ZSCAN5C: variants seen among roughly 807,000 people sequenced by gnomAD.
ZSCAN5C encodes zinc finger and SCAN domain-containing protein 5C.
In ZSCAN5C, 11 loss-of-function variants were observed where a neutral mutation model predicts 17.3. The ratio of observed to expected loss-of-function variants is 0.64; its 90% CI spans 0.40 to 1.06. The LOEUF (loss-of-function observed/expected upper bound fraction) is 1.06. Ranked by LOEUF, ZSCAN5C falls within the 50% of genes least tolerant of loss-of-function variation. ZSCAN5C has a pLI of 0.00. For missense variants in ZSCAN5C, 698 were observed against 538.9 expected (o/e 1.30, Z -2.92); for synonymous variants, 229 against 208.4 (o/e 1.10, Z -0.85).
intron 1 of ZSCAN5C, among the ~76,000 whole-genome samples, chr19:56,204,050 G>C (rs1004640134): frequency 6.6e-6 from 1 of 151,862 alleles, no homozygotes; most frequent in African/African-American, 2.4e-5. Context: ...GGGTGTACCT[G>C]TGCAGATGTG....
chr19:56,202,941 C>T (rs2032886508), intron 1 of ZSCAN5C, among the ~76,000 whole-genome samples: 1 of 152,012 alleles, frequency 6.6e-6, no homozygotes, highest in Admixed American at 6.5e-5. Flanking sequence ...ACCTACTAGG[C>T]CAATGAGAAT....
intron 1 of ZSCAN5C, among the ~76,000 whole-genome samples, chr19:56,203,934 CCA>C (rs1427010043): frequency 6.6e-6 from 1 of 151,838 alleles, no homozygotes; most frequent in Non-Finnish European, 1.5e-5. Flanking sequence ...CAGGCGTGAG[CCA>C]CCACACTCAG....
chr19:56,207,479 TG>T (rs1555788453), intron 3 of ZSCAN5C, among the ~76,000 whole-genome samples: 3 of 150,630 alleles, frequency 2.0e-5, no homozygotes, highest in East Asian at 3.9e-4. Flanking sequence ...GCATGTAGGG[TG>T]GGGGGTAAGA....
chr19:56,207,581 T>A (rs1050294325), intron 3 of ZSCAN5C, among the ~76,000 whole-genome samples: 5 of 151,842 alleles, frequency 3.3e-5, no homozygotes, highest in Non-Finnish European at 7.4e-5. Context: ...ACATTTAATG[T>A]AATAATTCAG....
intron 3 of ZSCAN5C, among the ~76,000 whole-genome samples, 194 bp downstream of exon 3, chr19:56,207,456 A>G (rs2032935986): frequency 6.8e-6 from 1 of 146,740 alleles, no homozygotes; most frequent in Admixed American, 6.7e-5. Flanking sequence ...TCTCTCCACC[A>G]TGAGAGCTTT....
intron 3 of ZSCAN5C, among the ~76,000 whole-genome samples, 157 bp from the exon 4 acceptor site, chr19:56,207,877 C>G (rs938593618): frequency 6.6e-6 from 1 of 151,842 alleles, no homozygotes; most frequent in Admixed American, 6.6e-5. Flanking sequence ...CAAGGAGATG[C>G]TGGCACAGCG....
chr19:56,208,808 T>A, exon 5 of ZSCAN5C: 1 of 1,570,084 alleles, frequency 6.4e-7, no homozygotes, highest in Non-Finnish European at 8.8e-7. Flanking sequence ...GAGGTTTAAG[T>A]ATCGCGGCAA....
intron 1 of ZSCAN5C, among the ~76,000 whole-genome samples, chr19:56,204,127 GAT>G (rs2032897778): frequency 6.6e-6 from 1 of 151,834 alleles, no homozygotes; most frequent in Admixed American, 6.6e-5. Flanking sequence ...AGGATGTGAG[GAT>G]AGCAACCAAT....
Position 56,208,868 on chromosome 19 carries a change from A to C in ZSCAN5C, c.1159A>C (p.Asn387His), listed in dbSNP as rs1337190655. The change falls in exon 5 of 5, where the codon AAT (asparagine) becomes CAT (histidine). Residue 387 changes from asparagine to histidine, a missense_variant. By Grantham distance (68) the Asn-to-His change is moderately conservative. This residue lies in a region of ZSCAN5C where 554 missense variants were observed against 390.5 expected (regional missense o/e 1.42). Coordinates refer to ENST00000534327, the Ensembl canonical transcript of ZSCAN5C. ...CACAGGCGAGAGACTCTTTCAGTGT[A>C]ATCTCTGCGGGAAGCGCTTCATGCA... 5 of 1,582,306 alleles carry C rather than the reference A, an allele frequency of 3.2e-6. No individual in the cohort carries two copies. In the East Asian group the frequency reaches 8.9e-5, roughly 28 times the overall value.
chr19:56,207,205 C>T (rs1307479392), exon 3 of ZSCAN5C: 3 of 777,974 alleles, frequency 3.9e-6, no homozygotes, highest in African/African-American at 3.4e-5. Flanking sequence ...CGGAGGAAGG[C>T]CAGGCCAGCC....
Position 56,205,883 on chromosome 19 carries a change from C to T in ZSCAN5C, c.-31C>T, listed in dbSNP as rs749522686. 3.2e-6 allele frequency: 3 copies of T among 939,848 alleles called. No individual in the cohort carries two copies. The South Asian group carries it at 4.2e-5, about 13-fold the overall frequency. The allele number at this position is 939,848 out of a possible 1,614,324, so 58.2% of individuals were successfully genotyped here. ...ACACCGGCTTCTGGAAGAGCTTTCC[C>T]AGAGACAGATTGAAATATTCCCCAG... is the stretch of plus-strand genomic sequence containing the variant. On this transcript the variant is annotated 5_prime_UTR_variant, in exon 2 of 5. Coordinates refer to ENST00000534327, the Ensembl canonical transcript of ZSCAN5C.
intron 1 of ZSCAN5C, among the ~76,000 whole-genome samples, chr19:56,205,572 C>A (rs1319420445): frequency 6.6e-6 from 1 of 151,822 alleles, no homozygotes; most frequent in Non-Finnish European, 1.5e-5. Context: ...GCACAATGAT[C>A]CCCTAGAGAT....
intron 1 of ZSCAN5C, among the ~76,000 whole-genome samples, chr19:56,203,331 T>A (rs1167196858): frequency 6.6e-6 from 1 of 151,966 alleles, no homozygotes. Context: ...AAGATACGTA[T>A]TTATGGTGTA....
exon 5 of ZSCAN5C, chr19:56,209,013 C>T (rs1390748067): frequency 6.2e-7 from 1 of 1,613,046 alleles, no homozygotes. Context: ...AGAAGCCACA[C>T]AGGGGAGAAG....
At chr19:56,206,880 C>T (rs1024735964) in intron 2 of ZSCAN5C, among the ~76,000 whole-genome samples, 179 bp from the exon 3 acceptor site, 2 of 151,838 alleles carry the variant, frequency 1.3e-5, no homozygotes, top group African/African-American at 2.4e-5. Context: ...ATCTAAAGGA[C>T]TCATATTTAT....
Position 56,205,417 on chromosome 19 carries a change from T to C in ZSCAN5C, c.-127-370T>C, listed in dbSNP as rs529932818. Among the ~76,000 whole-genome samples the C allele has an allele frequency of 1.4e-4, 21 of 152,082 alleles. No individual in the cohort carries two copies. In the South Asian group the frequency reaches 4.1e-3, roughly 30 times the overall value. On this transcript the variant is annotated intron_variant, in intron 1 of 4. Coordinates refer to ENST00000534327, the Ensembl canonical transcript of ZSCAN5C. ...TTATTGCATAATTATGACTAAGGAT[T>C]TGCCTTGGATCTTATCTTGATAAGA...
rs554922452 is a variant in ZSCAN5C at position 56,209,163 on chromosome 19, G to A, written c.1454G>A (p.Arg485His). 6.1e-5 allele frequency: 71 copies of A among 1,167,766 alleles called. 1 individual carries two copies. Among genetic ancestry groups the A allele is most frequent in the African/African-American group, 9.2e-5 (6 of 64,946 alleles). 72.3% of individuals were successfully genotyped at this position (1,167,766 alleles called of 1,614,324 possible). ...TTCGGTCGGCCGGCGACCTTAAGAC[G>A]CCACCAGAAAACACATCGAGAAGCC... The change falls in exon 5 of 5, where the codon CGC becomes CAC. Residue 485 changes from arginine (R) to histidine (H), a missense_variant. This residue lies in a region of ZSCAN5C where 554 missense variants were observed against 390.5 expected (regional missense o/e 1.42). Coordinates refer to ENST00000534327, the Ensembl canonical transcript of ZSCAN5C.
At chr19:56,203,394 TGATATTCACATGCCTTACTTTATG>T (rs1322301471) in intron 1 of ZSCAN5C, among the ~76,000 whole-genome samples, 3 of 151,980 alleles carry the variant, frequency 2.0e-5, no homozygotes, top group Admixed American at 6.5e-5. Flanking sequence ...TAAATTGAGC[TGATATTCACATGCCTTACTTTATG>T]GACTAATCAT....
At chr19:56,208,697 A>G in exon 5 of ZSCAN5C, 1 of 1,612,760 alleles carries the variant, frequency 6.2e-7, no homozygotes, top group Non-Finnish European at 8.5e-7. Context: ...ACAAGCTGAG[A>G]TCAATCCAGT....
Sources: gnomAD v4.1 joint callset for allele counts (sites outside exome capture counted in the v4.1 genomes callset) on GRCh38, gnomAD v4.1.1 for gene constraint, gnomAD v4.1.1 regional missense constraint, MANE v1.5 for transcripts, NCBI Gene and HGNC (gene_info 2026-07-23, HGNC 2026-07-21) for gene names.